The following ADGRV1 variants were observed in gnomAD, a reference collection of about 807,000 sequenced individuals.
ADGRV1 encodes the protein adhesion G protein-coupled receptor V1.
A neutral mutation model predicts 596.2 loss-of-function variants in ADGRV1; 359 were observed. The ratio of observed to expected loss-of-function variants is 0.60; its 90% CI spans 0.55 to 0.66. ADGRV1 has a LOEUF of 0.66. Ranked by LOEUF, ADGRV1 falls within the 30% of genes least tolerant of loss-of-function variation. The pLI, the probability that ADGRV1 is intolerant of heterozygous loss-of-function variation, is 0.00. For synonymous variants in ADGRV1, 2,681 were observed against 2,679.2 expected (o/e 1.00, Z -0.02); for missense variants, 7,274 against 7,575.6 (o/e 0.96, Z 1.48).
intron 52 of ADGRV1, among the ~76,000 whole-genome samples, chr5:90,750,057 C>T (rs963751728): frequency 1.3e-5 from 2 of 152,056 alleles, no homozygotes; most frequent in Non-Finnish European, 2.9e-5. Context: ...CTCATGACAT[C>T]GTTGTGCATG....
chr5:90,725,942 C>T (rs1417223965), intron 48 of ADGRV1, among the ~76,000 whole-genome samples: 1 of 152,126 alleles, frequency 6.6e-6, no homozygotes, highest in Non-Finnish European at 1.5e-5. Flanking sequence ...ATCACACAGC[C>T]AGACAGAGTA....
chr5:90,931,991 A>AT (rs1373285264), intron 83 of ADGRV1, among the ~76,000 whole-genome samples: 1 of 152,174 alleles, frequency 6.6e-6, no homozygotes, highest in East Asian at 1.9e-4. Context: ...CTAGCTTTAG[A>AT]TTTTTACTTT....
intron 84 of ADGRV1, among the ~76,000 whole-genome samples, chr5:90,977,183 C>T (rs1208960474): frequency 1.3e-5 from 2 of 152,116 alleles, no homozygotes; most frequent in African/African-American, 4.8e-5. Context: ...ATAAAAATGA[C>T]ATACCCAGAA....
intron 85 of ADGRV1, among the ~76,000 whole-genome samples, chr5:91,022,561 T>G (rs1315712585): frequency 6.6e-6 from 1 of 152,108 alleles, no homozygotes; most frequent in Non-Finnish European, 1.5e-5. Context: ...GGCAATTTTC[T>G]AAGTTCTAGA....
At chr5:90,822,412 G>A (rs1001854018) in intron 75 of ADGRV1, among the ~76,000 whole-genome samples, 7 of 152,152 alleles carry the variant, frequency 4.6e-5, no homozygotes, top group Non-Finnish European at 8.8e-5. Context: ...GACCGGAGCT[G>A]TTCCTATTCG....
chr5:90,839,168 A>T (rs1054935742), intron 77 of ADGRV1, among the ~76,000 whole-genome samples: 1 of 152,104 alleles, frequency 6.6e-6, no homozygotes, highest in Non-Finnish European at 1.5e-5. Context: ...CTACATGCCT[A>T]CATGATCTGA....
intron 85 of ADGRV1, among the ~76,000 whole-genome samples, chr5:90,987,088 C>T (rs1780556546): frequency 6.6e-6 from 1 of 152,108 alleles, no homozygotes; most frequent in Non-Finnish European, 1.5e-5. Flanking sequence ...AAGTATTTGC[C>T]TTCTTAAGCT....
chr5:90,720,155 A>C lies in ADGRV1; in HGVS notation c.9555A>C (p.Gln3185His), dbSNP rs768778694. Residue 3185 changes from glutamine (Q) to histidine (H), a missense_variant, in exon 44 of 90, where the codon CAA (glutamine) becomes CAC (histidine). Physicochemically the swap from Gln to His is conservative, Grantham distance 24 (BLOSUM62 0). Coordinates refer to ENST00000405460, the MANE Select transcript of ADGRV1 (RefSeq NM_032119.4). Reference sequence around the variant, plus strand: ...GTGCTAGACTAGGGGTGCATGTTCAAACCCTGATAACAGTTTTGCAAAACC... The same window carrying C: ...GTGCTAGACTAGGGGTGCATGTTCACACCCTGATAACAGTTTTGCAAAACC... ...TGGARLGVHV[Q>H]TLITVLQNQA... 4 of 1,611,332 alleles carry C rather than the reference A, an allele frequency of 2.5e-6. No homozygotes were observed. The highest frequency in any genetic ancestry group is 2.5e-6 in the Non-Finnish European group (3 of 1,178,718).
chr5:90,750,471 C>T, intron 52 of ADGRV1, 80 bp from the exon 53 acceptor site: 1 of 1,258,150 alleles, frequency 7.9e-7, no homozygotes, highest in Non-Finnish European at 1.1e-6. Flanking sequence ...TTTGCAAATC[C>T]ATAATAACAT....
chr5:90,742,573 G>T (rs926912163), intron 50 of ADGRV1, among the ~76,000 whole-genome samples: 1 of 152,134 alleles, frequency 6.6e-6, no homozygotes, highest in African/African-American at 2.4e-5. Context: ...GGAGGTGATG[G>T]GGAGGTGGAG....
At chr5:90,579,283 C>G (rs2151971017) in intron 1 of ADGRV1, among the ~76,000 whole-genome samples, 1 of 152,298 alleles carries the variant, frequency 6.6e-6, no homozygotes, top group Admixed American at 6.5e-5. Context: ...TTACGTATGT[C>G]CCAGAGATTC....
intron 82 of ADGRV1, 83 bp downstream of exon 82, chr5:90,855,984 C>CATCTTGCATACGTAA: frequency 8.9e-7 from 1 of 1,120,746 alleles, no homozygotes; most frequent in Non-Finnish European, 1.3e-6. Flanking sequence ...TTTACGTATG[C>CATCTTGCATACGTAA]AAGATGCAAA....
intron 78 of ADGRV1, 139 bp from the exon 79 acceptor site, chr5:90,848,498 T>C (rs1196801140): frequency 5.1e-6 from 2 of 388,972 alleles, no homozygotes; most frequent in African/African-American, 4.2e-5. Context: ...TTGATACCAA[T>C]TTCTCTTAAG....
chr5:91,002,850 C>G (rs1325453790), intron 85 of ADGRV1, among the ~76,000 whole-genome samples: 1 of 152,098 alleles, frequency 6.6e-6, no homozygotes, highest in Non-Finnish European at 1.5e-5. Context: ...ATTATAATAG[C>G]CCAATTAACA....
intron 85 of ADGRV1, among the ~76,000 whole-genome samples, chr5:91,003,629 T>C (rs966094486): frequency 2.6e-5 from 4 of 152,180 alleles, no homozygotes; most frequent in African/African-American, 9.6e-5. Context: ...TAATTAAATG[T>C]GTGTACACAC....
At chr5:90,614,189 A>G in intron 1 of ADGRV1, 1 of 380,868 alleles carries the variant, frequency 2.6e-6, no homozygotes, top group Non-Finnish European at 5.0e-6. Flanking sequence ...TGTCATGGAA[A>G]AAAAGGAAAT....
intron 85 of ADGRV1, among the ~76,000 whole-genome samples, chr5:91,065,382 C>G (rs925454733): frequency 6.6e-6 from 1 of 152,232 alleles, no homozygotes; most frequent in African/African-American, 2.4e-5. Flanking sequence ...CTTTCACTAC[C>G]TGGGTCCTTT....
At chr5:90,985,213 A>C (rs1581711125) in intron 84 of ADGRV1, 131 bp from the exon 85 acceptor site, 1 of 528,750 alleles carries the variant, frequency 1.9e-6, no homozygotes, top group South Asian at 6.0e-5. Flanking sequence ...GAACTAACTT[A>C]AAAAAATCAA....
intron 61 of ADGRV1, among the ~76,000 whole-genome samples, chr5:90,777,602 G>A (rs542519422): frequency 3.3e-5 from 5 of 152,186 alleles, no homozygotes; most frequent in African/African-American, 9.6e-5. Context: ...TGTACCTTGC[G>A]TGTTAAGTGA....
Sources: allele counts gnomAD v4.1 joint callset (sites outside exome capture counted in the v4.1 genomes callset), GRCh38; gene constraint gnomAD v4.1.1; transcripts MANE v1.5; gene names NCBI Gene and HGNC (gene_info 2026-07-23, HGNC 2026-07-21).